Variants in SVEP1 observed in about 807,000 individuals in gnomAD.
The protein encoded by SVEP1 is sushi, von Willebrand factor type A, EGF and pentraxin domain-containing protein 1.
Under a neutral mutation model 367.3 loss-of-function variants are expected in SVEP1, and 164 were observed. That is an observed-to-expected ratio of 0.45 (90% CI 0.39 to 0.51). SVEP1 has a LOEUF of 0.51. Ranked by LOEUF, SVEP1 falls within the 20% of genes least tolerant of loss-of-function variation. The pLI is 0.00. For synonymous variants in SVEP1, 1,666 were observed against 1,611.6 expected, an observed-to-expected ratio of 1.03 and a Z score of -0.81; for missense variants, 4,117 against 4,425.3, an observed-to-expected ratio of 0.93 and a Z score of 1.98.
intron 41 of SVEP1, among the ~76,000 whole-genome samples, chr9:110,387,675 A>C (rs1827546803): frequency 6.6e-6 from 1 of 152,102 alleles, no homozygotes; most frequent in Admixed American, 6.6e-5. Context: ...AGTCTTATTG[A>C]CTCCAGCTGT....
chr9:110,563,683 G>C (rs532977092), intron 1 of SVEP1, among the ~76,000 whole-genome samples: 1 of 152,294 alleles, frequency 6.6e-6, no homozygotes, highest in East Asian at 1.9e-4. Context: ...AGGGAGAAGA[G>C]CTAGTTCTCA....
intron 22 of SVEP1, among the ~76,000 whole-genome samples, chr9:110,454,331 T>C (rs1199565635): frequency 6.6e-6 from 1 of 152,226 alleles, no homozygotes; most frequent in Non-Finnish European, 1.5e-5. Context: ...TCTAGGATTT[T>C]TATAGTTTGA....
At chr9:110,554,994 T>A (rs1056316254) in intron 1 of SVEP1, among the ~76,000 whole-genome samples, 6 of 152,196 alleles carry the variant, frequency 3.9e-5, no homozygotes, top group Admixed American at 1.3e-4. Context: ...AGTTGTAGTA[T>A]GCCAAGAGGT....
intron 18 of SVEP1, among the ~76,000 whole-genome samples, chr9:110,460,881 C>G (rs751140564): frequency 6.6e-6 from 1 of 152,118 alleles, no homozygotes; most frequent in South Asian, 2.1e-4. Flanking sequence ...GATGACAAAG[C>G]TTTATTATGA....
At position 110,546,285 on chromosome 9, in the gene SVEP1, G is replaced by T. The variant is rs751754917; in HGVS notation, c.794C>A (p.Pro265His). 45 of 1,586,120 alleles carry T rather than the reference G, an allele frequency of 2.8e-5. No individual in the cohort carries two copies. Among genetic ancestry groups the T allele is most frequent in the Non-Finnish European group, 3.8e-5 (44 of 1,165,580 alleles). Residue 265 changes from proline (P) to histidine (H), a missense_variant, in exon 3 of 48, where the codon CCT becomes CAT. Physicochemically the swap from Pro to His is moderately conservative, Grantham distance 77. Transcript: ENST00000374469. ...LARRALHEDL[P>H]SGSFIQDDMV... Reference sequence around the variant, plus strand: ...ATCATCTTGAATAAAACTCCCAGAAGGTAGATCTACAAATAACATATGACA... The same window carrying T: ...ATCATCTTGAATAAAACTCCCAGAATGTAGATCTACAAATAACATATGACA...
At chr9:110,551,780 G>C (rs975838520) in intron 1 of SVEP1, among the ~76,000 whole-genome samples, 1 of 152,118 alleles carries the variant, frequency 6.6e-6, no homozygotes, top group Non-Finnish European at 1.5e-5. Context: ...AAAAACCTCT[G>C]AGGAGAGGAA....
chr9:110,485,667 T>C (rs1476367602), intron 9 of SVEP1, among the ~76,000 whole-genome samples: 2 of 152,210 alleles, frequency 1.3e-5, no homozygotes, highest in Non-Finnish European at 2.9e-5. Context: ...GTGTTCTTAT[T>C]ACATGCCTTT....
chr9:110,491,587 T>G (rs1829366439), intron 8 of SVEP1, among the ~76,000 whole-genome samples: 1 of 77,298 alleles, frequency 1.3e-5, no homozygotes, highest in South Asian at 5.1e-4. Flanking sequence ...TTTTATAGAA[T>G]GGGGTGTGTG....
At chr9:110,384,683 G>C (rs553381261) in intron 43 of SVEP1, among the ~76,000 whole-genome samples, 1 of 151,674 alleles carries the variant, frequency 6.6e-6, no homozygotes, top group Admixed American at 6.6e-5. Context: ...CTCAGACTCA[G>C]AGAAGTAAGG....
chr9:110,488,487 G>A (rs1419027895), intron 9 of SVEP1, among the ~76,000 whole-genome samples: 1 of 151,762 alleles, frequency 6.6e-6, no homozygotes. Flanking sequence ...AAAAATAATG[G>A]AGGGAAAAAA....
intron 1 of SVEP1, among the ~76,000 whole-genome samples, chr9:110,573,084 G>A (rs958616480): frequency 2.0e-5 from 3 of 152,042 alleles, no homozygotes; most frequent in Admixed American, 1.3e-4. Context: ...GAACTTAGCT[G>A]ATGCAACAGT....
At chr9:110,465,748 C>CA (rs1828926718) in intron 18 of SVEP1, 117 bp downstream of exon 18, 1 of 1,266,288 alleles carries the variant, frequency 7.9e-7, no homozygotes, top group Admixed American at 2.9e-5. Context: ...TATGAAGAGA[C>CA]AGTTATTTCC....
intron 1 of SVEP1, among the ~76,000 whole-genome samples, chr9:110,566,402 G>C (rs1454917495): frequency 6.6e-6 from 1 of 151,904 alleles, no homozygotes; most frequent in Non-Finnish European, 1.5e-5. Flanking sequence ...TTGCTATTGT[G>C]AAGATTTAAT....
chr9:110,486,678 C>T lies in SVEP1; in HGVS notation c.1930+2972G>A, dbSNP rs371810205. Among the ~76,000 whole-genome samples, 11 of 146,306 alleles carry T rather than the reference C, an allele frequency of 7.5e-5. No individual in the cohort carries two copies. The East Asian group carries it at 8.0e-4, about 11-fold the overall frequency. Reference sequence around the variant, plus strand: ...CTCTTTTTTTTTTTAGATGGAGTCTCTCTCTGTCACCCAGGCTGGAGTGCA... The same window carrying T: ...CTCTTTTTTTTTTTAGATGGAGTCTTTCTCTGTCACCCAGGCTGGAGTGCA... On this transcript the variant is annotated intron_variant, in intron 9 of 47. Transcript: ENST00000374469.
chr9:110,443,454 C>T, intron 27 of SVEP1, 91 bp downstream of exon 27: 1 of 1,149,242 alleles, frequency 8.7e-7, no homozygotes, highest in Non-Finnish European at 1.1e-6. Flanking sequence ...TGTTTGAAAC[C>T]AAGAACAACA....
rs746989585 is a variant in SVEP1 at position 110,385,884 on chromosome 9, G to A, written c.10237+14C>T. 1.4e-5 allele frequency: 23 copies of A among 1,609,016 alleles called. No homozygotes were observed. In the Admixed American group the frequency reaches 2.7e-4, roughly 19 times the overall value. ...GCACTAGCGGCATGAACTGGCTTCC[G>A]CCTGCTGACTTACTTTCACATTTGG... On this transcript the variant is annotated intron_variant, in intron 43 of 47. Transcript: ENST00000374469.
At chr9:110,445,277 G>T (rs1828574199) in intron 26 of SVEP1, among the ~76,000 whole-genome samples, 1 of 152,150 alleles carries the variant, frequency 6.6e-6, no homozygotes, top group Non-Finnish European at 1.5e-5. Context: ...TACAACTAAG[G>T]TTGGCTCTCC....
chr9:110,513,445 A>T (rs1829754411), intron 4 of SVEP1, among the ~76,000 whole-genome samples: 1 of 152,192 alleles, frequency 6.6e-6, no homozygotes, highest in Non-Finnish European at 1.5e-5. Context: ...GTAGAATAAA[A>T]CAAAGAACAA....
At chr9:110,431,861 T>C in intron 32 of SVEP1, 54 bp downstream of exon 32, 1 of 1,603,936 alleles carries the variant, frequency 6.2e-7, no homozygotes, top group Non-Finnish European at 8.5e-7. Flanking sequence ...TTAAAATATG[T>C]ACTTGAATAA....
Sources: gnomAD v4.1 joint callset for allele counts (sites outside exome capture counted in the v4.1 genomes callset) on GRCh38, gnomAD v4.1.1 for gene constraint, MANE v1.5 for transcripts, NCBI Gene and HGNC (gene_info 2026-07-23, HGNC 2026-07-21) for gene names.